Variants in CFAP47 observed in about 807,000 individuals in gnomAD.
CFAP47 encodes cilia- and flagella-associated protein 47.
CFAP47 carries 29 observed loss-of-function variants against 148.1 expected under a neutral mutation model. The ratio of observed to expected loss-of-function variants is 0.20; its 90% CI spans 0.15 to 0.27. The LOEUF is 0.27. CFAP47 is among the 10% of genes least tolerant of loss of function. The pLI is 1.00. For synonymous variants in CFAP47, 664 were observed against 577.3 expected (o/e 1.15, Z -2.15); for missense variants, 1,872 against 1,697.5 (o/e 1.10, Z -1.81).
intron 49 of CFAP47, among the ~76,000 whole-genome samples, chrX:36,265,873 G>A (rs1198650353): frequency 3.6e-5 from 4 of 111,748 alleles, no homozygotes; most frequent in African/African-American, 9.8e-5. Context: ...ATTTGGATGG[G>A]CTTTATATTT....
chrX:36,203,084 A>G lies in CFAP47; in HGVS notation c.6663+1584A>G, dbSNP rs1471079786. 2.7e-5 allele frequency among the ~76,000 whole-genome samples: 3 copies of G among 111,365 alleles called. No homozygotes were observed. In the East Asian group the frequency reaches 8.4e-4, roughly 31 times the overall value. ...AATCCCAGATTTCTAACAATTGGTG[A>G]TGATATTTTTAAATGACCTGGATTT... On this transcript the variant is annotated intron_variant, in intron 44 of 63. Transcript: ENST00000378653.
At chrX:36,234,541 T>C (rs1454094062) in intron 46 of CFAP47, among the ~76,000 whole-genome samples, 5 of 111,891 alleles carry the variant, frequency 4.5e-5, no homozygotes, top group Admixed American at 3.8e-4. Flanking sequence ...AGTTTTCAAC[T>C]TCTTTGCCTT....
intron 49 of CFAP47, among the ~76,000 whole-genome samples, chrX:36,261,857 G>A (rs1462199608): frequency 1.8e-5 from 2 of 111,425 alleles, no homozygotes; most frequent in Non-Finnish European, 3.8e-5. Context: ...CCCAGACGGG[G>A]TGGTGGCCGG....
chrX:36,294,233 C>T (rs1418318076), intron 51 of CFAP47, among the ~76,000 whole-genome samples: 4 of 110,961 alleles, frequency 3.6e-5, no homozygotes, highest in African/African-American at 6.6e-5. Flanking sequence ...GCCACGTCAG[C>T]ACCATGATCA....
At chrX:36,111,954 C>A (rs748464325) in intron 33 of CFAP47, among the ~76,000 whole-genome samples, 5 of 111,169 alleles carry the variant, frequency 4.5e-5, no homozygotes, top group Non-Finnish European at 7.6e-5. Context: ...GACTGATACC[C>A]TTTGTAATTT....
chrX:36,108,084 A>G (rs189122483), intron 33 of CFAP47, among the ~76,000 whole-genome samples: 7 of 111,695 alleles, frequency 6.3e-5, no homozygotes, highest in African/African-American at 2.3e-4. Context: ...ACCCTCTGAT[A>G]TACAGACACC....
At chrX:36,258,004 A>C (rs782506679) in intron 49 of CFAP47, among the ~76,000 whole-genome samples, 1 of 112,183 alleles carries the variant, frequency 8.9e-6, no homozygotes, top group East Asian at 2.8e-4. Flanking sequence ...AGAATGATCA[A>C]TTTTGATTTT....
At chrX:36,141,656 C>A (rs768160243) in intron 35 of CFAP47, among the ~76,000 whole-genome samples, 153 of 111,763 alleles carry the variant, frequency 1.4e-3, no homozygotes, top group South Asian at 4.8e-3. Flanking sequence ...GAACAGAATT[C>A]TTGAGTAAAA....
At chrX:36,272,962 C>T (rs781932228) in intron 49 of CFAP47, among the ~76,000 whole-genome samples, 1 of 110,743 alleles carries the variant, frequency 9.0e-6, no homozygotes, top group East Asian at 2.8e-4. Flanking sequence ...AATATATATG[C>T]CTTTGCCACT....
chrX:36,218,873 G>A (rs1009411073), intron 45 of CFAP47, among the ~76,000 whole-genome samples: 1 of 111,756 alleles, frequency 8.9e-6, no homozygotes, highest in Non-Finnish European at 1.9e-5. Context: ...AGGATTCAAA[G>A]GTATTCTCAT....
intron 33 of CFAP47, among the ~76,000 whole-genome samples, chrX:36,130,431 C>T (rs1938926100): frequency 1.8e-5 from 2 of 110,793 alleles, no homozygotes; most frequent in South Asian, 7.4e-4. Context: ...ATAAAAAATG[C>T]TGGTGAGGAT....
chrX:35,923,015 A>G (rs747660380), intron 1 of CFAP47, among the ~76,000 whole-genome samples: 6 of 111,132 alleles, frequency 5.4e-5, no homozygotes, highest in Admixed American at 9.7e-5. Context: ...CACAATAATC[A>G]TGTCCTCTCA....
At position 36,348,178 on chromosome X, in the gene CFAP47, A is replaced by G. The variant is rs2146983473; in HGVS notation, c.8493A>G (p.Ile2831Met). The G allele has an allele frequency of 1.9e-6, 2 of 1,052,458 alleles. No homozygotes were observed. Among genetic ancestry groups the G allele is most frequent in the East Asian group, 7.8e-5 (2 of 25,692 alleles). 86.7% of individuals were successfully genotyped at this position (1,052,458 alleles called of 1,213,427 possible). ...KGNIDISLLF[I>M]PQIMKLHKTM... is the part of the protein sequence containing the mutation. ...ATATAGATATCTCATTGTTATTTATACCTCAAATTATGAAATTACACAAAA... is the reference window on the plus strand; with the variant it reads ...ATATAGATATCTCATTGTTATTTATGCCTCAAATTATGAAATTACACAAAA... Residue 2831 changes from isoleucine to methionine, a missense_variant, in exon 58 of 64, where the codon ATA (isoleucine) becomes ATG (methionine). Physicochemically the swap from Ile to Met is conservative, Grantham distance 10. Coordinates refer to ENST00000378653, the MANE Select transcript of CFAP47 (RefSeq NM_001304548.2).
chrX:36,379,412 C>T lies in CFAP47; in HGVS notation c.9248C>T (p.Pro3083Leu). 2 of 1,166,193 alleles carry T rather than the reference C, an allele frequency of 1.7e-6. No homozygotes were observed. Among genetic ancestry groups the T allele is most frequent in the Non-Finnish European group, 2.3e-6 (2 of 871,482 alleles). ...PGSDLEFFVK[P>L]QAGELLPFNT... ...AGCGATCTGGAGTTTTTTGTAAAAC[C>T]TCAGGCTGGAGAACTTCTTCCTTTT... The change falls in exon 63 of 64, where the codon CCT becomes CTT. Residue 3083 changes from proline to leucine, a missense_variant. Pro to Leu is a moderately conservative substitution (Grantham distance 98, BLOSUM62 -3). Coordinates refer to ENST00000378653, the MANE Select transcript of CFAP47 (RefSeq NM_001304548.2).
intron 18 of CFAP47, among the ~76,000 whole-genome samples, chrX:35,994,555 A>C (rs1215518146): frequency 9.0e-6 from 1 of 111,542 alleles, no homozygotes; most frequent in Non-Finnish European, 1.9e-5. Flanking sequence ...TGATTTCCCC[A>C]ACCCTTGAAC....
At chrX:36,242,945 A>G (rs1044828479) in intron 48 of CFAP47, among the ~76,000 whole-genome samples, 19 of 111,715 alleles carry the variant, frequency 1.7e-4, no homozygotes, top group African/African-American at 4.2e-4. Context: ...GTTAGGGCAC[A>G]TAGAAAGGAC....
intron 62 of CFAP47, 22 bp downstream of exon 62, chrX:36,367,149 T>C: frequency 2.9e-6 from 3 of 1,049,026 alleles, no homozygotes; most frequent in Non-Finnish European, 3.8e-6. Flanking sequence ...AACAAAAGTA[T>C]GTAGCTGTTT....
At chrX:35,964,870 C>A (rs1242852387) in intron 8 of CFAP47, among the ~76,000 whole-genome samples, 2 of 111,457 alleles carry the variant, frequency 1.8e-5, no homozygotes, top group African/African-American at 6.5e-5. Flanking sequence ...TCACATACTT[C>A]CTTTAATTCT....
At chrX:36,092,423 C>T (rs1938201180) in intron 30 of CFAP47, among the ~76,000 whole-genome samples, 1 of 110,471 alleles carries the variant, frequency 9.1e-6, no homozygotes, top group Admixed American at 9.7e-5. Context: ...AATATTATAA[C>T]AGGAATAAAA....
Sources: gnomAD v4.1 joint callset for allele counts (sites outside exome capture counted in the v4.1 genomes callset) on GRCh38, gnomAD v4.1.1 for gene constraint, MANE v1.5 for transcripts, NCBI Gene and HGNC (gene_info 2026-07-23, HGNC 2026-07-21) for gene names.